KCTD8: variants seen among roughly 807,000 people sequenced by gnomAD.
KCTD8 encodes the protein BTB/POZ domain-containing protein KCTD8.
A neutral mutation model predicts 31.5 loss-of-function variants in KCTD8; 27 were observed. That is an observed-to-expected ratio of 0.86 (90% CI 0.63 to 1.18). KCTD8 has a LOEUF of 1.18. KCTD8 is among the 50% of genes most tolerant of loss of function. The probability of loss-of-function intolerance (pLI) is 0.00; values close to 1 mark genes in which losing one functional copy is unlikely to be tolerated. For synonymous variants in KCTD8, 290 were observed against 280.0 expected (o/e 1.04, Z -0.36); for missense variants, 658 against 647.7 (o/e 1.02, Z -0.17).
At chr4:44,299,701 C>G (rs564447336) in intron 1 of KCTD8, among the ~76,000 whole-genome samples, 81 of 151,154 alleles carry the variant, frequency 5.4e-4, no homozygotes, top group African/African-American at 1.9e-3. Context: ...GCACTCCAAC[C>G]TGGCAACAGA....
chr4:44,350,658 T>C (rs559339927), intron 1 of KCTD8, among the ~76,000 whole-genome samples: 1 of 152,318 alleles, frequency 6.6e-6, no homozygotes, highest in East Asian at 1.9e-4. Flanking sequence ...ACAAAAGATA[T>C]ATTTTTTTAA....
intron 1 of KCTD8, among the ~76,000 whole-genome samples, chr4:44,381,191 A>T (rs1024568277): frequency 6.6e-6 from 1 of 152,054 alleles, no homozygotes; most frequent in South Asian, 2.1e-4. Flanking sequence ...TTCAATATAT[A>T]AATGCCATGG....
intron 1 of KCTD8, among the ~76,000 whole-genome samples, chr4:44,177,202 T>C (rs1329109205): frequency 6.6e-6 from 1 of 152,154 alleles, no homozygotes; most frequent in Non-Finnish European, 1.5e-5. Context: ...GTACAGACTA[T>C]GTTCTTAAGC....
chr4:44,323,496 A>T (rs1040751885), intron 1 of KCTD8, among the ~76,000 whole-genome samples: 2 of 34,794 alleles, frequency 5.7e-5, no homozygotes, highest in African/African-American at 2.1e-4. Flanking sequence ...CTCCATCCCC[A>T]CCCACCCCCC....
rs745337313 is a variant in KCTD8 at position 44,448,418 on chromosome 4, G to A, written c.106C>T (p.Pro36Ser). Residue 36 changes from proline to serine, a missense_variant, in exon 1 of 2, where the codon CCC (proline) becomes TCC (serine). Physicochemically the swap from Pro to Ser is moderately conservative, Grantham distance 74. Coordinates refer to ENST00000360029, the MANE Select transcript of KCTD8 (RefSeq NM_198353.3). This position sits in a 1 kb window ranked among gnomAD's most constrained non-coding sequence, Gnocchi z 4.1. ...TCAGGGAAGGGCGAGGGTGCGCAGGGCCCCGGGGCGGCGGCGGCCGACGCG... is the reference window on the plus strand; with the variant it reads ...TCAGGGAAGGGCGAGGGTGCGCAGGACCCCGGGGCGGCGGCGGCCGACGCG... ...PGASAAAAPG[P>S]CAPSPFPEVV... 1.1e-5 allele frequency: 18 copies of A among 1,566,096 alleles called. No individual in the cohort carries two copies. Among genetic ancestry groups the A allele is most frequent in the Admixed American group, 4.1e-5 (2 of 49,326 alleles).
At chr4:44,264,433 A>T (rs1033767459) in intron 1 of KCTD8, among the ~76,000 whole-genome samples, 4 of 152,072 alleles carry the variant, frequency 2.6e-5, no homozygotes, top group African/African-American at 9.7e-5. Flanking sequence ...TGTCAGCATT[A>T]CATTATAAAG....
intron 1 of KCTD8, among the ~76,000 whole-genome samples, chr4:44,224,348 T>C (rs1238839017): frequency 6.6e-6 from 1 of 152,200 alleles, no homozygotes; most frequent in African/African-American, 2.4e-5. Context: ...TTTTTCACTG[T>C]CCACCAACAT....
chr4:44,263,566 G>C (rs1209295186), intron 1 of KCTD8, among the ~76,000 whole-genome samples: 1 of 152,096 alleles, frequency 6.6e-6, no homozygotes, highest in African/African-American at 2.4e-5. Flanking sequence ...GAATAGTTAA[G>C]AGTAGAAGGG....
intron 1 of KCTD8, among the ~76,000 whole-genome samples, chr4:44,255,375 CTT>C (rs1269305885): frequency 2.0e-5 from 3 of 151,928 alleles, no homozygotes; most frequent in African/African-American, 4.8e-5. Context: ...TTTTCATTCT[CTT>C]GTTTCTGAAA....
chr4:44,189,032 T>C (rs753428505), intron 1 of KCTD8, among the ~76,000 whole-genome samples: 8 of 152,218 alleles, frequency 5.3e-5, no homozygotes, highest in Non-Finnish European at 1.0e-4. Context: ...TTGAGTTATG[T>C]CATCTTATAT....
intron 1 of KCTD8, among the ~76,000 whole-genome samples, chr4:44,305,459 G>A (rs1717774484): frequency 6.6e-6 from 1 of 151,466 alleles, no homozygotes; most frequent in Admixed American, 6.6e-5. Flanking sequence ...AATTTTAAAA[G>A]CAAAGATAAA....
intron 1 of KCTD8, among the ~76,000 whole-genome samples, chr4:44,331,790 C>A (rs1263459417): frequency 6.7e-6 from 1 of 148,406 alleles, no homozygotes; most frequent in Non-Finnish European, 1.5e-5. Context: ...TAATCCACAT[C>A]TCTCTCTGTG....
chr4:44,412,426 T>C (rs531414816), intron 1 of KCTD8, among the ~76,000 whole-genome samples: 5 of 152,214 alleles, frequency 3.3e-5, no homozygotes, highest in Non-Finnish European at 7.3e-5. Context: ...GCAGAACTAC[T>C]ATTCTGGTGA....
At chr4:44,430,371 G>A (rs938383511) in intron 1 of KCTD8, among the ~76,000 whole-genome samples, 1 of 151,652 alleles carries the variant, frequency 6.6e-6, no homozygotes, top group African/African-American at 2.4e-5. Context: ...AAATAACAAG[G>A]GCAGTGAACA....
intron 1 of KCTD8, among the ~76,000 whole-genome samples, chr4:44,356,620 C>A (rs915116083): frequency 5.3e-5 from 8 of 152,086 alleles, no homozygotes; most frequent in African/African-American, 1.9e-4. Context: ...AGCCGAGTAG[C>A]CACCACATCT....
chr4:44,283,436 A>G (rs1716956837), intron 1 of KCTD8, among the ~76,000 whole-genome samples: 1 of 152,132 alleles, frequency 6.6e-6, no homozygotes, highest in Non-Finnish European at 1.5e-5. Context: ...ACTGGCTTCC[A>G]ATCATTAAAG....
In KCTD8 at chr4:44,448,078, T is replaced by C. The variant is rs1560457753; in HGVS notation, c.446A>G (p.Lys149Arg). ...LTDLVKLLSP[K>R]VTKQNSLNDE... ...GTTGAGAGAGTTCTGCTTGGTGACC[T>C]TGGGCGACAGCAGCTTGACCAAGTC... Residue 149 changes from lysine (K) to arginine (R), a missense_variant, in exon 1 of 2, where the codon AAG (lysine) becomes AGG (arginine). Physicochemically the swap from Lys to Arg is conservative, Grantham distance 26 (BLOSUM62 2). Transcript: ENST00000360029. This position sits in a 1 kb window ranked among gnomAD's most constrained non-coding sequence, Gnocchi z 4.1. 1 of 1,612,482 alleles carries C rather than the reference T, an allele frequency of 6.2e-7. No homozygotes were observed. Among genetic ancestry groups the C allele is most frequent in the Admixed American group, 1.7e-5 (1 of 59,992 alleles).
chr4:44,384,794 A>C (rs1276500417), intron 1 of KCTD8, among the ~76,000 whole-genome samples: 1 of 151,796 alleles, frequency 6.6e-6, no homozygotes, highest in Non-Finnish European at 1.5e-5. Flanking sequence ...GGATTATGAA[A>C]GTTCTCAACA....
intron 1 of KCTD8, among the ~76,000 whole-genome samples, chr4:44,389,385 T>C (rs1720310924): frequency 6.6e-6 from 1 of 151,792 alleles, no homozygotes; most frequent in Admixed American, 6.6e-5. Context: ...AAATATCTTA[T>C]GTACATCATA....
Sources: gnomAD v4.1 joint callset for allele counts (sites outside exome capture counted in the v4.1 genomes callset) on GRCh38, gnomAD v4.1.1 for gene constraint, Gnocchi (gnomAD v3.1) non-coding constraint, MANE v1.5 for transcripts, NCBI Gene and HGNC (gene_info 2026-07-23, HGNC 2026-07-21) for gene names.